TTC6: variants seen among roughly 807,000 people sequenced by gnomAD.
The protein encoded by TTC6 is tetratricopeptide repeat domain 6.
A neutral mutation model predicts 210.4 loss-of-function variants in TTC6; 172 were observed. The observed-to-expected ratio is 0.82, with a 90% CI of 0.72 to 0.93. The LOEUF is 0.93. Among genes scored for constraint, TTC6 ranks in the 40% least tolerant of loss-of-function variants. TTC6 has a pLI of 0.00. For missense variants in TTC6, 2,414 were observed against 2,318.1 expected, an observed-to-expected ratio of 1.04 and a Z score of -0.85; for synonymous variants, 804 against 819.6, an observed-to-expected ratio of 0.98 and a Z score of 0.32.
intron 5 of TTC6, among the ~76,000 whole-genome samples, chr14:37,704,793 A>T (rs1038496637): frequency 4.6e-5 from 7 of 152,040 alleles, no homozygotes; most frequent in South Asian, 2.1e-4. Flanking sequence ...TTACATTTTA[A>T]TGTATTCTCT....
intron 8 of TTC6, among the ~76,000 whole-genome samples, chr14:37,736,629 T>TTGCTTTAAACGGTGATCAGA (rs1212992128): frequency 6.6e-6 from 1 of 152,210 alleles, no homozygotes; most frequent in African/African-American, 2.4e-5. Flanking sequence ...GTAAGACTGA[T>TTGCTTTAAACGGTGATCAGA]TGCTTTAAAC....
exon 1 of TTC6, chr14:37,622,942 A>T (rs1264335133): frequency 6.5e-7 from 1 of 1,531,400 alleles, no homozygotes; most frequent in African/African-American, 1.4e-5. Flanking sequence ...CTGGCCTCCG[A>T]CCAGACCATC....
intron 14 of TTC6, among the ~76,000 whole-genome samples, chr14:37,754,334 G>A (rs562193391): frequency 3.3e-5 from 5 of 152,106 alleles, no homozygotes; most frequent in East Asian, 3.9e-4. Flanking sequence ...GAGAACATCC[G>A]GTGTTTGGTT....
chr14:37,671,209 G>C (rs1316218189), intron 1 of TTC6, among the ~76,000 whole-genome samples: 1 of 152,190 alleles, frequency 6.6e-6, no homozygotes, highest in Non-Finnish European at 1.5e-5. Flanking sequence ...TTGTTGGCAG[G>C]AGACCTCCCC....
At chr14:37,838,371 G>A (rs1166436027) in intron 29 of TTC6, among the ~76,000 whole-genome samples, 2 of 152,154 alleles carry the variant, frequency 1.3e-5, no homozygotes, top group Non-Finnish European at 2.9e-5. Context: ...GTTACTTATT[G>A]TTTATTCTCA....
chr14:37,660,434 A>G (rs2095735029), intron 1 of TTC6, among the ~76,000 whole-genome samples: 3 of 151,944 alleles, frequency 2.0e-5, no homozygotes, highest in Admixed American at 2.0e-4. Flanking sequence ...CTCTGTGTCC[A>G]TGTGTTCTTA....
chr14:37,663,544 GT>G (rs2095741701), intron 1 of TTC6, among the ~76,000 whole-genome samples: 1 of 152,006 alleles, frequency 6.6e-6, no homozygotes, highest in African/African-American at 2.4e-5. Context: ...TTAATTTGAA[GT>G]GTTCATCCCC....
At chr14:37,727,926 T>G (rs1235338609) in intron 7 of TTC6, among the ~76,000 whole-genome samples, 1 of 152,202 alleles carries the variant, frequency 6.6e-6, no homozygotes, top group Non-Finnish European at 1.5e-5. Context: ...GATATCCCAA[T>G]ATCTCTCAGT....
intron 3 of TTC6, among the ~76,000 whole-genome samples, chr14:37,694,684 C>T (rs367745410): frequency 2.2e-4 from 34 of 152,052 alleles, no homozygotes; most frequent in Non-Finnish European, 2.4e-4. Flanking sequence ...CCTAAGTGTC[C>T]GTCAACAGAA....
At chr14:37,819,267 T>A (rs557641907) in intron 26 of TTC6, among the ~76,000 whole-genome samples, 22 of 152,156 alleles carry the variant, frequency 1.4e-4, no homozygotes, top group Non-Finnish European at 2.9e-4. Flanking sequence ...GGAAAAATAT[T>A]TTTTGCTTTT....
At chr14:37,757,897 T>C (rs1353330703) in intron 14 of TTC6, among the ~76,000 whole-genome samples, 2 of 152,226 alleles carry the variant, frequency 1.3e-5, no homozygotes, top group African/African-American at 4.8e-5. Context: ...TCTTATTGCT[T>C]TCAAAGAACT....
chr14:37,748,474 A>G (rs1346046835), intron 10 of TTC6, among the ~76,000 whole-genome samples: 3 of 152,202 alleles, frequency 2.0e-5, no homozygotes, highest in Non-Finnish European at 4.4e-5. Flanking sequence ...ATTTAATTTG[A>G]TAGCCTACTA....
chr14:37,825,814 G>A (rs2096169702), intron 27 of TTC6, among the ~76,000 whole-genome samples: 1 of 152,024 alleles, frequency 6.6e-6, no homozygotes, highest in Non-Finnish European at 1.5e-5. Context: ...TATAACTGGA[G>A]ATTCAGTGCG....
chr14:37,759,153 C>T (rs776172870), intron 14 of TTC6, among the ~76,000 whole-genome samples: 1 of 151,546 alleles, frequency 6.6e-6, no homozygotes, highest in Non-Finnish European at 1.5e-5. Context: ...GTCCCAGGTA[C>T]TCAGGAGGCT....
chr14:37,602,728 C>T (rs533910559), intron 1 of TTC6, among the ~76,000 whole-genome samples: 3 of 152,274 alleles, frequency 2.0e-5, no homozygotes, highest in South Asian at 4.1e-4. Flanking sequence ...TGCACCTTAC[C>T]CCTGCCCCAG....
At chr14:37,797,713 T>A (rs947138716) in intron 20 of TTC6, among the ~76,000 whole-genome samples, 2 of 152,016 alleles carry the variant, frequency 1.3e-5, no homozygotes, top group Admixed American at 1.3e-4. Context: ...AAATACCTTG[T>A]TTAAAAAGCC....
chr14:37,624,106 T>C (rs1349462788), intron 1 of TTC6, among the ~76,000 whole-genome samples: 1 of 152,168 alleles, frequency 6.6e-6, no homozygotes, highest in Non-Finnish European at 1.5e-5. Context: ...GGCTGTGATT[T>C]AAGGAATGTG....
intron 14 of TTC6, chr14:37,772,670 C>G (rs565523594): frequency 1.3e-5 from 2 of 155,008 alleles, no homozygotes; most frequent in Admixed American, 6.5e-5. Flanking sequence ...GGCTCGCTCA[C>G]GGTGCGCGCA....
rs1038696662 is a variant in TTC6 at position 37,598,289 on chromosome 14, T to C, written c.-235+2281T>C. ...CAGGCACGTGGCGGCTCCTGCGGTG[T>C]CCCGGGTTAAACTTGCCTGTGTTTA... On this transcript the variant is annotated intron_variant, in intron 1 of 2. Coordinates refer to the TTC6 transcript ENST00000556845. This position sits in a 1 kb window ranked among gnomAD's most constrained non-coding sequence, Gnocchi z 4.9. Among the ~76,000 whole-genome samples, 2 of 152,062 alleles carry C rather than the reference T, an allele frequency of 1.3e-5. No homozygotes were observed. Among genetic ancestry groups the C allele is most frequent in the Non-Finnish European group, 2.9e-5 (2 of 68,016 alleles).
Sources: allele counts gnomAD v4.1 joint callset (sites outside exome capture counted in the v4.1 genomes callset), GRCh38; gene constraint gnomAD v4.1.1; non-coding constraint Gnocchi (gnomAD v3.1); transcripts MANE v1.5; gene names NCBI Gene and HGNC (gene_info 2026-07-23, HGNC 2026-07-21).